ROCK2: variants seen among roughly 807,000 people sequenced by gnomAD.
The protein encoded by ROCK2 is rho-associated protein kinase 2.
ROCK2 carries 61 observed loss-of-function variants against 195.1 expected under a neutral mutation model. The ratio of observed to expected loss-of-function variants is 0.31; its 90% confidence interval spans 0.25 to 0.39. The LOEUF is 0.39. ROCK2 is among the 10% of genes least tolerant of loss of function. The probability of loss-of-function intolerance (pLI) is 1.00; values close to 1 mark genes in which losing one functional copy is unlikely to be tolerated. For synonymous variants in ROCK2, 504 were observed against 545.5 expected (o/e 0.92, Z 1.06); for missense variants, 1,109 against 1,637.4 (o/e 0.68, Z 5.57).
At chr2:11,227,213 T>C in intron 6 of ROCK2, 41 bp downstream of exon 6, 1 of 1,542,808 alleles carries the variant, frequency 6.5e-7, no homozygotes, top group Non-Finnish European at 8.9e-7. Flanking sequence ...TAAAGTATTA[T>C]AAGAAGCATT....
At position 11,214,950 on chromosome 2, in the gene ROCK2, A is replaced by G. The variant is rs1664373538; in HGVS notation, c.1826T>C (p.Leu609Pro). 6.2e-7 allele frequency: 1 copy of G among 1,614,030 alleles called. No individual in the cohort carries two copies. Residue 609 changes from leucine (L) to proline (P), a missense_variant, in exon 16 of 33, where the codon CTG becomes CCG. Physicochemically the swap from Leu to Pro is moderately conservative, Grantham distance 98. Transcript: ENST00000315872. Reference sequence around the variant, plus strand: ...TTCAAGTTTTAACTTGGCAGTCTCCAGCAGGCAGTTTTTATCTTGTAGATC... The same window carrying G: ...TTCAAGTTTTAACTTGGCAGTCTCCGGCAGGCAGTTTTTATCTTGTAGATC... The part of the protein sequence containing the change: ...NRDLQDKNCL[L>P]ETAKLKLEKE...
intron 4 of ROCK2, among the ~76,000 whole-genome samples, chr2:11,240,870 T>G (rs1665400700): frequency 1.3e-5 from 2 of 152,182 alleles, no homozygotes; most frequent in African/African-American, 2.4e-5. Flanking sequence ...AAAATTAATT[T>G]TGAAAACTTA....
intron 28 of ROCK2, among the ~76,000 whole-genome samples, chr2:11,194,632 T>C (rs1351098632): frequency 6.6e-6 from 1 of 152,004 alleles, no homozygotes; most frequent in African/African-American, 2.4e-5. Flanking sequence ...ATAAACATAA[T>C]AACATCAATA....
intron 3 of ROCK2, among the ~76,000 whole-genome samples, chr2:11,282,062 A>G (rs531929319): frequency 6.6e-6 from 1 of 152,194 alleles, no homozygotes; most frequent in Non-Finnish European, 1.5e-5. Context: ...ACAAAATATT[A>G]AAGAACAGTC....
intron 1 of ROCK2, among the ~76,000 whole-genome samples, chr2:11,313,687 AC>A (rs1464119365): frequency 6.6e-6 from 1 of 151,974 alleles, no homozygotes; most frequent in African/African-American, 2.4e-5. Context: ...AATAAAAACT[AC>A]ATTATGATTG....
chr2:11,282,041 C>T (rs1176865038), intron 3 of ROCK2, among the ~76,000 whole-genome samples: 1 of 152,094 alleles, frequency 6.6e-6, no homozygotes, highest in Non-Finnish European at 1.5e-5. Flanking sequence ...GCAAAAGACC[C>T]AGAATAGCCA....
chr2:11,344,793 CTG>C (rs1313423171), upstream of ROCK2, among the ~76,000 whole-genome samples: 17 of 150,582 alleles, frequency 1.1e-4, no homozygotes, highest in Non-Finnish European at 2.5e-4. The surrounding 1 kb of genome is among the most constrained non-coding windows in gnomAD (Gnocchi z 5.4). Context: ...GCTTTCTCCT[CTG>C]CGCCCCTTCC....
At chr2:11,292,963 G>A (rs1302025170) in intron 1 of ROCK2, among the ~76,000 whole-genome samples, 1 of 152,082 alleles carries the variant, frequency 6.6e-6, no homozygotes, top group Non-Finnish European at 1.5e-5. Context: ...TCCTTTCCCA[G>A]CCATGTAAGA....
rs569894467 is a variant in ROCK2, at chr2:11,323,366, A to C, written c.141+20630T>G. ...CCCTACATATTTCACAATTGTATTA[A>C]ATGAGAAAACAAATACTCAGGAAGA... On this transcript the variant is annotated intron_variant, in intron 1 of 32. Transcript: ENST00000315872. Among the ~76,000 whole-genome samples the C allele has an allele frequency of 2.6e-5, 4 of 152,140 alleles. No homozygotes were observed. The South Asian group carries it at 8.3e-4, about 32-fold the overall frequency.
In ROCK2 at chr2:11,244,024, G is replaced by T. The variant is rs773270476; in HGVS notation, c.462+5637C>A. Among the ~76,000 whole-genome samples the T allele has an allele frequency of 2.8e-4, 43 of 152,214 alleles. 1 individual carries two copies. Among genetic ancestry groups the T allele is most frequent in the South Asian group, 6.2e-4 (3 of 4,822 alleles). ...TGTGTGAAAGGACATTTTCACAGAT[G>T]AACATGTAAAATATTTTTACACACC... On this transcript the variant is annotated intron_variant, in intron 4 of 32. Coordinates refer to ENST00000315872, the MANE Select transcript of ROCK2 (RefSeq NM_004850.5).
At chr2:11,263,244 G>C (rs529321676) in intron 3 of ROCK2, among the ~76,000 whole-genome samples, 1 of 152,256 alleles carries the variant, frequency 6.6e-6, no homozygotes, top group African/African-American at 2.4e-5. Flanking sequence ...TGGATGCCCA[G>C]GAAGCAATAA....
intron 6 of ROCK2, among the ~76,000 whole-genome samples, chr2:11,225,101 C>CA (rs1252702136): frequency 5.9e-5 from 9 of 152,116 alleles, no homozygotes; most frequent in Non-Finnish European, 1.3e-4. Context: ...CCCAGAGAGA[C>CA]AGACTGTGAC....
chr2:11,287,156 A>G (rs1286446925), intron 2 of ROCK2, among the ~76,000 whole-genome samples: 1 of 152,212 alleles, frequency 6.6e-6, no homozygotes, highest in Non-Finnish European at 1.5e-5. Context: ...CAATGTATAC[A>G]TTAATTGTTT....
At position 11,201,148 on chromosome 2, in the gene ROCK2, A is replaced by G. The variant is rs771503929; in HGVS notation, c.2724-5T>C. 1.9e-6 allele frequency: 3 copies of G among 1,595,088 alleles called. No homozygotes were observed. In the East Asian group the frequency reaches 6.7e-5, roughly 36 times the overall value. On this transcript the variant is annotated splice_polypyrimidine_tract_variant and splice_region_variant and intron_variant, in intron 22 of 32. Coordinates refer to ENST00000315872, the MANE Select transcript of ROCK2 (RefSeq NM_004850.5). The surrounding 1 kb of genome is among the most constrained non-coding windows in gnomAD (Gnocchi z 4.6). ...AGTTGGGCAGCCAAAGAGTCCCTAC[A>G]TTTTAGCAATATATCATTTTAATGG... is the stretch of plus-strand genomic sequence containing the variant.
intron 1 of ROCK2, among the ~76,000 whole-genome samples, chr2:11,318,242 A>G (rs1282426628): frequency 5.9e-5 from 9 of 152,118 alleles, no homozygotes; most frequent in African/African-American, 1.9e-4. Context: ...GTGTAAAAGT[A>G]TTCCTATTTC....
intron 3 of ROCK2, among the ~76,000 whole-genome samples, chr2:11,252,972 AATAATAATAAT>A (rs1665891302): frequency 6.8e-6 from 1 of 146,474 alleles, no homozygotes; most frequent in African/African-American, 2.5e-5. Context: ...TAATAATAAT[AATAATAATAAT>A]ATTTAAAGGT....
intron 1 of ROCK2, among the ~76,000 whole-genome samples, chr2:11,328,870 G>A (rs1385459718): frequency 2.1e-5 from 3 of 142,410 alleles, no homozygotes; most frequent in African/African-American, 7.7e-5. Flanking sequence ...TGAACAATGA[G>A]AACACATGGA....
intron 1 of ROCK2, among the ~76,000 whole-genome samples, chr2:11,306,627 A>C (rs920046168): frequency 2.0e-5 from 3 of 152,258 alleles, no homozygotes; most frequent in African/African-American, 7.2e-5. Context: ...TTGCAAAATA[A>C]GTTCACTTTC....
At chr2:11,208,237 C>CATAA (rs199842243) in intron 19 of ROCK2, 50 bp downstream of exon 19, 1 of 1,090,128 alleles carries the variant, frequency 9.2e-7, no homozygotes. Context: ...CATGAATAAA[C>CATAA]CTATTAATTC....
Sources: allele counts gnomAD v4.1 joint callset (sites outside exome capture counted in the v4.1 genomes callset), GRCh38; gene constraint gnomAD v4.1.1; non-coding constraint Gnocchi (gnomAD v3.1); transcripts MANE v1.5; gene names NCBI Gene and HGNC (gene_info 2026-07-23, HGNC 2026-07-21).